PCDHA3: variants seen among roughly 807,000 people sequenced by gnomAD.
PCDHA3 encodes the protein protocadherin alpha-3.
A neutral mutation model predicts 62.2 loss-of-function variants in PCDHA3; 41 were observed. The observed-to-expected ratio is 0.66, with a 90% CI of 0.51 to 0.86. The LOEUF is 0.86. Among genes scored for constraint, PCDHA3 ranks in the 40% least tolerant of loss-of-function variants. PCDHA3 has a pLI of 0.00. For missense variants in PCDHA3, 1,304 were observed against 1,241.2 expected (o/e 1.05, Z -0.76); for synonymous variants, 640 against 555.4 (o/e 1.15, Z -2.14).
At chr5:140,871,443 T>C (rs1192118860) in intron 1 of PCDHA3, 13 of 1,610,650 alleles carry the variant, frequency 8.1e-6, no homozygotes, top group African/African-American at 1.3e-5. Flanking sequence ...TAGGTCTGAA[T>C]AAAGAGGAGG....
intron 1 of PCDHA3, among the ~76,000 whole-genome samples, chr5:140,916,951 G>A (rs1197063390): frequency 6.6e-6 from 1 of 152,210 alleles, no homozygotes; most frequent in Non-Finnish European, 1.5e-5. Context: ...GAGGCTTGCT[G>A]AGTTCTGACT....
chr5:140,966,658 G>A (rs887585622), intron 1 of PCDHA3: 5 of 1,212,426 alleles, frequency 4.1e-6, no homozygotes, highest in Admixed American at 3.9e-5. Flanking sequence ...GAGCGGTGGG[G>A]GAGCAGGCGC....
At chr5:140,882,991 AT>A (rs1554176407) in intron 1 of PCDHA3, 2 of 1,614,112 alleles carry the variant, frequency 1.2e-6, no homozygotes, top group Non-Finnish European at 1.7e-6. Flanking sequence ...ACGCCCCGGA[AT>A]TTTACCAATC....
chr5:140,985,233 G>C (rs1447323173), intron 3 of PCDHA3, among the ~76,000 whole-genome samples: 4 of 152,084 alleles, frequency 2.6e-5, no homozygotes, highest in Non-Finnish European at 5.9e-5. Flanking sequence ...CACCGCGCCT[G>C]GCCTAATCTT....
chr5:140,870,933 G>T, intron 1 of PCDHA3: 1 of 1,613,802 alleles, frequency 6.2e-7, no homozygotes, highest in Non-Finnish European at 8.5e-7. Flanking sequence ...CATATGAATT[G>T]CAGCCGGCGG....
At chr5:140,858,082 G>T (rs1554151130) in intron 1 of PCDHA3, 2 of 1,597,718 alleles carry the variant, frequency 1.3e-6, no homozygotes, top group East Asian at 2.2e-5. Flanking sequence ...CCAAGGCCTC[G>T]TCGCGGGCTT....
intron 1 of PCDHA3, chr5:140,822,691 G>A (rs2150118624): frequency 2.5e-6 from 4 of 1,610,040 alleles, no homozygotes; most frequent in South Asian, 1.1e-5. Flanking sequence ...AGTTAACGGG[G>A]AACTGGATTA....
intron 1 of PCDHA3, chr5:140,883,607 G>A (rs782736793): frequency 6.2e-7 from 1 of 1,613,968 alleles, no homozygotes; most frequent in Non-Finnish European, 8.5e-7. Context: ...GGGGGTGGCC[G>A]ACGTGAACGA....
intron 1 of PCDHA3, chr5:140,876,718 G>T (rs1554168825): frequency 1.9e-6 from 3 of 1,614,124 alleles, no homozygotes; most frequent in African/African-American, 1.3e-5. Flanking sequence ...CCTGGACCGC[G>T]AGAGCGTGTC....
At chr5:140,871,422 C>T in intron 1 of PCDHA3, 1 of 1,613,658 alleles carries the variant, frequency 6.2e-7, no homozygotes, top group Non-Finnish European at 8.5e-7. Context: ...CCTTCAGCCC[C>T]AGTCTTCCTC....
At chr5:140,931,817 C>A (rs2087768963) in intron 1 of PCDHA3, among the ~76,000 whole-genome samples, 1 of 151,876 alleles carries the variant, frequency 6.6e-6, no homozygotes, top group Non-Finnish European at 1.5e-5. Context: ...GAAAAGAATT[C>A]TTGTCATAGT....
At chr5:140,866,126 G>T (rs1435544560) in intron 1 of PCDHA3, 2 of 152,108 alleles carry the variant, frequency 1.3e-5, no homozygotes, top group African/African-American at 4.8e-5. Context: ...TAAGAACTAC[G>T]TATCTGTTGT....
In PCDHA3 at chr5:140,842,984, G is replaced by A. The variant is rs2150349206; in HGVS notation, c.2394+39393G>A. 26 of 1,594,918 alleles carry A rather than the reference G, an allele frequency of 1.6e-5. 1 individual carries two copies. The East Asian group carries it at 4.7e-4, about 29-fold the overall frequency. On this transcript the variant is annotated intron_variant, in intron 1 of 3. Coordinates refer to ENST00000522353, the MANE Select transcript of PCDHA3 (RefSeq NM_018906.3). ...CAGCAACGTGACGCTGCAGGTGTTCGTGCTGGACGAGAATGACAACGCGCC... is the reference window on the plus strand; with the variant it reads ...CAGCAACGTGACGCTGCAGGTGTTCATGCTGGACGAGAATGACAACGCGCC...
chr5:140,886,827 GAA>G (rs782016620), intron 1 of PCDHA3, among the ~76,000 whole-genome samples: 14 of 60,910 alleles, frequency 2.3e-4, no homozygotes, highest in Non-Finnish European at 3.3e-4. Context: ...ACTTCGTCTT[GAA>G]AAAAAAAAAA....
chr5:140,801,615 C>CT lies in PCDHA3; in HGVS notation c.419dup (p.Phe141ValfsTer33), dbSNP rs1762749519. ...AGTTTTTCCAATGGCTGTAAAGAAT[C>CT]TGTTTATTTCCGAATCCCGACAGCC... On this transcript the variant is annotated frameshift_variant, in exon 1 of 4. Transcript: ENST00000522353. LOFTEE classifies it high-confidence loss of function. 1 of 1,613,990 alleles carries CT rather than the reference C, an allele frequency of 6.2e-7. No individual in the cohort carries two copies. Among genetic ancestry groups the CT allele is most frequent in the African/African-American group, 1.3e-5 (1 of 74,878 alleles).
At chr5:140,863,088 CACG>C (rs782667679) in intron 1 of PCDHA3, 19 of 574,542 alleles carry the variant, frequency 3.3e-5, no homozygotes, top group Admixed American at 1.7e-4. Context: ...GCGAGATCAG[CACG>C]ACGAGTACCC....
intron 1 of PCDHA3, chr5:140,877,051 G>C (rs1554169275): frequency 1.2e-6 from 2 of 1,612,752 alleles, no homozygotes; most frequent in Non-Finnish European, 1.7e-6. Context: ...AGACCACGAG[G>C]AGCTGGAGCT....
chr5:140,973,331 TGTAAAGTGACATAGTA>T (rs782725271), intron 1 of PCDHA3, among the ~76,000 whole-genome samples: 2 of 152,218 alleles, frequency 1.3e-5, no homozygotes, highest in Non-Finnish European at 2.9e-5. Context: ...TTACACTCGT[TGTAAAGTGACATAGTA>T]GTGAATTTAT....
At chr5:140,928,701 G>A (rs782369096) in intron 1 of PCDHA3, 53 of 1,614,014 alleles carry the variant, frequency 3.3e-5, no homozygotes, top group Admixed American at 2.0e-4. Context: ...TCTCCCGGGC[G>A]TCTGACTCTA....
Sources: gnomAD v4.1 joint callset for allele counts (sites outside exome capture counted in the v4.1 genomes callset) on GRCh38, gnomAD v4.1.1 for gene constraint, MANE v1.5 for transcripts, NCBI Gene and HGNC (gene_info 2026-07-23, HGNC 2026-07-21) for gene names.